Variants in CALN1 observed in about 807,000 individuals in gnomAD.
CALN1 encodes calneuron 1, also known as calcium-binding protein 8.
A neutral mutation model predicts 30.6 loss-of-function variants in CALN1; 17 were observed. That is an observed-to-expected ratio of 0.56 (90% confidence interval 0.38 to 0.83). CALN1 has a LOEUF of 0.83. Ranked by LOEUF, CALN1 falls within the 40% of genes least tolerant of loss-of-function variation. CALN1 has a pLI of 0.00. For synonymous variants in CALN1, 156 were observed against 131.4 expected (o/e 1.19, Z -1.28); for missense variants, 291 against 354.9 (o/e 0.82, Z 1.45).
chr7:72,419,793 A>G (rs572976974), intron 1 of CALN1, among the ~76,000 whole-genome samples: 106 of 152,272 alleles, frequency 7.0e-4, no homozygotes, highest in Non-Finnish European at 1.3e-3. Context: ...AGCGTTGGAG[A>G]CTACAGGTAC....
intron 5 of CALN1, among the ~76,000 whole-genome samples, chr7:72,016,447 T>TA (rs1273260012): frequency 6.6e-6 from 1 of 151,772 alleles, no homozygotes; most frequent in Non-Finnish European, 1.5e-5. Context: ...TTATTATTAT[T>TA]ATTTTTTGAG....
At chr7:72,310,827 C>T (rs61423668) in intron 2 of CALN1, among the ~76,000 whole-genome samples, 2,265 of 149,894 alleles carry the variant, frequency 0.015, 52 homozygotes, top group African/African-American at 0.05. Context: ...CACTTGAACC[C>T]GGGAGGTGGA....
At chr7:71,851,639 AT>A (rs1790653973) in intron 5 of CALN1, among the ~76,000 whole-genome samples, 1 of 152,130 alleles carries the variant, frequency 6.6e-6, no homozygotes, top group Non-Finnish European at 1.5e-5. Context: ...AATCCTTTGG[AT>A]AATTGCCCAT....
chr7:72,467,782 T>A, the CALN1 span, among the ~76,000 whole-genome samples: 1 of 152,158 alleles, frequency 6.6e-6, no homozygotes, highest in African/African-American at 2.4e-5. Context: ...TTAAAGTGAA[T>A]AACTTAGTGC....
Position 71,814,225 on chromosome 7 carries a change from T to C in CALN1, c.502-3733A>G, listed in dbSNP as rs149725660. On this transcript the variant is annotated intron_variant, in intron 5 of 6. Transcript: ENST00000395275. ...TGACCGCTATGGGTATCCCATGTTT[T>C]GCTTTCCAGAGGGGAATGTTTTTGG... 4.3e-3 allele frequency among the ~76,000 whole-genome samples: 656 copies of C among 152,304 alleles called. 4 individuals carry two copies. The highest frequency in any genetic ancestry group is 0.015 in the African/African-American group (623 of 41,578).
chr7:72,277,320 G>A lies in CALN1; in HGVS notation c.244+1366C>T, dbSNP rs528934080. 2.6e-5 allele frequency among the ~76,000 whole-genome samples: 4 copies of A among 152,338 alleles called. No homozygotes were observed. The East Asian group carries it at 7.7e-4, about 29-fold the overall frequency. ...CCTTAGCCTGAATTTGTGGTCGCCT[G>A]TATGGGCTCACTTTGGAGGAGGTCA... is the stretch of plus-strand genomic sequence containing the variant. On this transcript the variant is annotated intron_variant, in intron 3 of 6. Transcript: ENST00000395275.
chr7:72,472,075 T>C, the CALN1 span, among the ~76,000 whole-genome samples: 3 of 151,992 alleles, frequency 2.0e-5, no homozygotes, highest in Non-Finnish European at 4.4e-5. Context: ...GGATTATAGA[T>C]GTGAGCCACT....
chr7:71,905,101 A>G (rs1986017), intron 5 of CALN1, among the ~76,000 whole-genome samples: 49,777 of 151,766 alleles, frequency 0.33, 9,158 homozygotes, highest in East Asian at 0.53. Flanking sequence ...ACCATGCCCA[A>G]CTAATTTTTG....
At chr7:72,386,254 T>C (rs1459349825) in intron 2 of CALN1, among the ~76,000 whole-genome samples, 1 of 152,136 alleles carries the variant, frequency 6.6e-6, no homozygotes, top group Non-Finnish European at 1.5e-5. Flanking sequence ...AAAAATGATC[T>C]AGGAGGTCCA....
Position 72,396,999 on chromosome 7 carries a change from A to C in CALN1, c.119+6252T>G, listed in dbSNP as rs572384822. Among the ~76,000 whole-genome samples the C allele has an allele frequency of 1.4e-4, 22 of 151,988 alleles. No homozygotes were observed. In the South Asian group the frequency reaches 4.6e-3, roughly 32 times the overall value. Reference sequence around the variant, plus strand: ...GATCATAATTCACTGCAGCCTCCAAATCCTGGGCTCAAGCAATCCTCCCCC... The same window carrying C: ...GATCATAATTCACTGCAGCCTCCAACTCCTGGGCTCAAGCAATCCTCCCCC... On this transcript the variant is annotated intron_variant, in intron 2 of 6. Transcript: ENST00000395275.
chr7:72,231,873 T>A (rs368390400), intron 3 of CALN1, among the ~76,000 whole-genome samples: 3 of 152,298 alleles, frequency 2.0e-5, no homozygotes, highest in East Asian at 3.9e-4. Context: ...TAGAGCTATA[T>A]TTTTTGTAAA....
At chr7:72,183,521 G>A (rs1019175017) in intron 3 of CALN1, among the ~76,000 whole-genome samples, 2 of 152,126 alleles carry the variant, frequency 1.3e-5, no homozygotes, top group Admixed American at 1.3e-4. Context: ...GCTAAAATGC[G>A]AGAAGTTATG....
chr7:72,454,155 G>A, the CALN1 span, among the ~76,000 whole-genome samples: 1 of 152,188 alleles, frequency 6.6e-6, no homozygotes, highest in African/African-American at 2.4e-5. Context: ...TAGGTTGTTA[G>A]GGAATTGGAA....
intron 3 of CALN1, among the ~76,000 whole-genome samples, chr7:72,121,361 T>C (rs1471606579): frequency 6.9e-6 from 1 of 145,264 alleles, no homozygotes; most frequent in Non-Finnish European, 1.5e-5. Context: ...AATTATGCAA[T>C]ATGATATATA....
intron 5 of CALN1, among the ~76,000 whole-genome samples, chr7:71,965,685 G>A (rs560936936): frequency 6.6e-6 from 1 of 152,112 alleles, no homozygotes; most frequent in Non-Finnish European, 1.5e-5. Context: ...AACTGATATG[G>A]TATATGCACA....
Position 71,804,568 on chromosome 7 carries a change from C to T in CALN1, c.658+5768G>A, listed in dbSNP as rs923390912. ...GTGCCGTGGCTCATGCCTGTATTTC[C>T]AGCACTTTGGGAGGCCAGGGTGGGA... On this transcript the variant is annotated intron_variant, in intron 6 of 6. Coordinates refer to ENST00000395275, the MANE Select transcript of CALN1 (RefSeq NM_031468.4). 3.3e-5 allele frequency among the ~76,000 whole-genome samples: 5 copies of T among 152,282 alleles called. No homozygotes were observed. In the East Asian group the frequency reaches 7.7e-4, roughly 23 times the overall value.
intron 3 of CALN1, among the ~76,000 whole-genome samples, chr7:72,237,301 T>C (rs1794534322): frequency 6.6e-6 from 1 of 152,118 alleles, no homozygotes; most frequent in Non-Finnish European, 1.5e-5. Context: ...ATTCTTATTA[T>C]ACCGGTAAGG....
At chr7:71,802,762 C>T (rs1204531881) in intron 6 of CALN1, among the ~76,000 whole-genome samples, 1 of 152,158 alleles carries the variant, frequency 6.6e-6, no homozygotes, top group Non-Finnish European at 1.5e-5. Context: ...GGGGCTCACG[C>T]CTGTAATCCC....
chr7:72,393,108 T>C (rs1476360048), intron 2 of CALN1, among the ~76,000 whole-genome samples: 1 of 151,934 alleles, frequency 6.6e-6, no homozygotes, highest in Non-Finnish European at 1.5e-5. Flanking sequence ...AATTACAGGG[T>C]CATAGCCCAA....
Sources: allele counts gnomAD v4.1 joint callset (sites outside exome capture counted in the v4.1 genomes callset), GRCh38; gene constraint gnomAD v4.1.1; transcripts MANE v1.5; gene names NCBI Gene and HGNC (gene_info 2026-07-23, HGNC 2026-07-21).